Variants in CSMD1 observed in about 807,000 individuals in gnomAD.
CSMD1 encodes the protein CUB and sushi domain-containing protein 1.
CSMD1 carries 213 observed loss-of-function variants against 417.5 expected under a neutral mutation model. The ratio of observed to expected loss-of-function variants is 0.51; its 90% CI spans 0.46 to 0.57. The LOEUF (loss-of-function observed/expected upper bound fraction) is 0.57. CSMD1 is among the 20% of genes least tolerant of loss of function. The pLI is 0.00. For synonymous variants in CSMD1, 2,862 were observed against 1,736.8 expected, an observed-to-expected ratio of 1.65 and a Z score of -16.11; for missense variants, 6,923 against 4,529.7, an observed-to-expected ratio of 1.53 and a Z score of -15.17.
intron 2 of CSMD1, among the ~76,000 whole-genome samples, chr8:4,605,438 G>C (rs991806640): frequency 1.3e-5 from 2 of 152,064 alleles, no homozygotes; most frequent in Non-Finnish European, 2.9e-5. Flanking sequence ...AGACTATAAT[G>C]GTCCCCAGAA....
intron 1 of CSMD1, among the ~76,000 whole-genome samples, chr8:4,665,896 G>A (rs894850319): frequency 6.6e-6 from 1 of 152,148 alleles, no homozygotes; most frequent in East Asian, 1.9e-4. Flanking sequence ...GGATTGTATA[G>A]TAGGTATATA....
chr8:4,443,661 A>T (rs1266519844), intron 2 of CSMD1, among the ~76,000 whole-genome samples: 1 of 152,208 alleles, frequency 6.6e-6, no homozygotes. Context: ...GCAGTTAAAG[A>T]AATAGCATTT....
chr8:4,235,332 CAT>C, intron 3 of CSMD1, among the ~76,000 whole-genome samples: 1 of 151,140 alleles, frequency 6.6e-6, no homozygotes, highest in South Asian at 2.1e-4. Flanking sequence ...TATAGCCATT[CAT>C]ACTCATTAAT....
At position 3,075,295 on chromosome 8, in the gene CSMD1, T is replaced by A. The variant is rs1184475791; in HGVS notation, c.7474+11802A>T. On this transcript the variant is annotated intron_variant, in intron 49 of 69. Transcript: ENST00000635120. The stretch of plus-strand genomic sequence containing the variant: ...TTCTTTCTTTCTTTTTTTTTTTTTT[T>A]AGATGGAGTTTCGCCCTGTCATCCA... Among the ~76,000 whole-genome samples the A allele has an allele frequency of 1.4e-3, 204 of 147,980 alleles. 1 individual carries two copies. The highest frequency in any genetic ancestry group is 5.0e-3 in the African/African-American group (200 of 40,400).
chr8:3,739,020 T>G (rs1390041321), intron 6 of CSMD1, among the ~76,000 whole-genome samples: 1 of 152,232 alleles, frequency 6.6e-6, no homozygotes, highest in Non-Finnish European at 1.5e-5. Context: ...ATTGTAACTA[T>G]GTCTTTCTTT....
intron 2 of CSMD1, among the ~76,000 whole-genome samples, chr8:4,564,199 T>G (rs182262954): frequency 1.4e-3 from 217 of 152,350 alleles, no homozygotes; most frequent in African/African-American, 4.7e-3. Context: ...AATATTTTTC[T>G]TCACTTCCTT....
In CSMD1 at chr8:2,935,782, T is replaced by A. The variant is rs1289389275; in HGVS notation, c.*2803A>T. On this transcript the variant is annotated 3_prime_UTR_variant, in exon 70 of 70. Transcript: ENST00000635120. Reference sequence around the variant, plus strand: ...CCTGATCATAATGCCAGCGTTCTTTTTTTTACCCCCTTTTTATAATAGCTT... The same window carrying A: ...CCTGATCATAATGCCAGCGTTCTTTATTTTACCCCCTTTTTATAATAGCTT... 1 of 152,222 alleles carries A rather than the reference T, an allele frequency of 6.6e-6. No individual in the cohort carries two copies. The allele number at this position is 152,222 out of a possible 1,614,324, so 9.4% of individuals were successfully genotyped here. A position where few individuals can be genotyped will look rare whatever the true frequency, so the allele number is the denominator to read the frequency against.
chr8:3,506,779 G>A (rs1244007052), intron 10 of CSMD1, among the ~76,000 whole-genome samples: 1 of 152,182 alleles, frequency 6.6e-6, no homozygotes, highest in Admixed American at 6.5e-5. Context: ...GGTTGGCAGT[G>A]ATTTACTTCC....
At position 3,714,606 on chromosome 8, in the gene CSMD1, G is replaced by A. The variant is rs564854904; in HGVS notation, c.932-6115C>T. 1.3e-3 allele frequency among the ~76,000 whole-genome samples: 173 copies of A among 136,676 alleles called. 1 individual carries two copies. The highest frequency in any genetic ancestry group is 4.5e-3 in the African/African-American group (167 of 36,892). The allele number at this position is 136,676 out of a possible 152,430, so 89.7% of individuals were successfully genotyped here. A position where few individuals can be genotyped will look rare whatever the true frequency, so the allele number is the denominator to read the frequency against. On this transcript the variant is annotated intron_variant, in intron 6 of 69. Coordinates refer to ENST00000635120, the MANE Select transcript of CSMD1 (RefSeq NM_033225.6). ...ATTAGCCCCAGCCAGGCATGGTGGC[G>A]GGCGACTGTAGTCCCAGCTAGTTGG... is the stretch of plus-strand genomic sequence containing the variant.
intron 54 of CSMD1, among the ~76,000 whole-genome samples, chr8:2,980,937 T>A (rs937835424): frequency 6.6e-6 from 1 of 152,188 alleles, no homozygotes; most frequent in East Asian, 1.9e-4. Flanking sequence ...TTGAGCCCCA[T>A]GTGGGGAAAC....
intron 5 of CSMD1, among the ~76,000 whole-genome samples, chr8:3,754,433 CTTATTTAT>C (rs34887868): frequency 0.018 from 2,576 of 145,548 alleles, 39 homozygotes; most frequent in South Asian, 0.041. Flanking sequence ...TTAGTAATTC[CTTATTTAT>C]TTATTTATTT....
chr8:3,945,398 C>G (rs1169316639), intron 5 of CSMD1, among the ~76,000 whole-genome samples: 1 of 151,974 alleles, frequency 6.6e-6, no homozygotes, highest in East Asian at 1.9e-4. Context: ...AAATGAACGG[C>G]TTAACTTTTT....
At chr8:3,843,111 A>T (rs1453911911) in intron 5 of CSMD1, among the ~76,000 whole-genome samples, 1 of 152,150 alleles carries the variant, frequency 6.6e-6, no homozygotes, top group East Asian at 1.9e-4. Flanking sequence ...TTCTTTAGAG[A>T]GTTTGAATAA....
Position 4,861,822 on chromosome 8 carries a change from A to G in CSMD1, c.85+132510T>C, listed in dbSNP as rs138897957. Among the ~76,000 whole-genome samples the G allele has an allele frequency of 4.3e-4, 65 of 152,246 alleles. 2 individuals carry two copies. Among genetic ancestry groups the G allele is most frequent in the African/African-American group, 1.5e-3 (62 of 41,512 alleles). ...CTCAAAATTTATTAAAGAATTATGTATTGATTTCATAATATGTGTGAGAAA... is the reference window on the plus strand; with the variant it reads ...CTCAAAATTTATTAAAGAATTATGTGTTGATTTCATAATATGTGTGAGAAA... On this transcript the variant is annotated intron_variant, in intron 1 of 69. Coordinates refer to ENST00000635120, the MANE Select transcript of CSMD1 (RefSeq NM_033225.6).
chr8:4,899,927 C>T (rs1430052789), intron 1 of CSMD1, among the ~76,000 whole-genome samples: 1 of 152,294 alleles, frequency 6.6e-6, no homozygotes, highest in East Asian at 1.9e-4. Context: ...TCACCAGAGT[C>T]TTGTTCACAG....
In CSMD1 at chr8:3,483,778, C is replaced by A. The variant is rs188436314; in HGVS notation, c.1448+9845G>T. On this transcript the variant is annotated intron_variant, in intron 11 of 69. Transcript: ENST00000635120. ...AAACTGAATGCAACAATGTACAAAT[C>A]AATTATACTCAATCATGAAGTAGAA... is the stretch of plus-strand genomic sequence containing the variant. Among the ~76,000 whole-genome samples the A allele has an allele frequency of 1.8e-3, 272 of 152,208 alleles. 1 individual carries two copies. Among genetic ancestry groups the A allele is most frequent in the Non-Finnish European group, 3.0e-3 (204 of 67,988 alleles).
At chr8:4,011,240 G>A (rs1411991738) in intron 4 of CSMD1, among the ~76,000 whole-genome samples, 1 of 152,054 alleles carries the variant, frequency 6.6e-6, no homozygotes. Context: ...AAGTTTTTAA[G>A]CCACGACTTT....
intron 5 of CSMD1, among the ~76,000 whole-genome samples, chr8:3,879,196 T>A (rs2975346): frequency 0.2 from 30,026 of 152,012 alleles, 3,520 homozygotes; most frequent in African/African-American, 0.32. Flanking sequence ...ACACTTCTCT[T>A]TGCCTAGAAA....
intron 12 of CSMD1, among the ~76,000 whole-genome samples, chr8:3,442,588 T>C (rs1815055519): frequency 6.6e-6 from 1 of 152,228 alleles, no homozygotes; most frequent in South Asian, 2.1e-4. Flanking sequence ...CTGTACCATA[T>C]ATCCCAGGTG....
Sources: allele counts gnomAD v4.1 joint callset (sites outside exome capture counted in the v4.1 genomes callset), GRCh38; gene constraint gnomAD v4.1.1; transcripts MANE v1.5; gene names NCBI Gene and HGNC (gene_info 2026-07-23, HGNC 2026-07-21).